The following NPSR1 variants were observed in gnomAD, a reference collection of about 807,000 sequenced individuals.
NPSR1 encodes neuropeptide S receptor 1, also known as neuropeptide S receptor.
NPSR1 carries 48 observed loss-of-function variants against 46.9 expected under a neutral mutation model. The ratio of observed to expected loss-of-function variants is 1.02; its 90% CI spans 0.81 to 1.30. NPSR1 has a LOEUF of 1.30. NPSR1 is among the 50% of genes most tolerant of loss of function. The pLI is 0.00. For synonymous variants in NPSR1, 176 were observed against 168.1 expected (o/e 1.05, Z -0.36); for missense variants, 450 against 449.5 (o/e 1.00, Z -0.01).
chr7:34,694,100 T>G (rs1254225397), intron 2 of NPSR1, among the ~76,000 whole-genome samples: 1 of 152,124 alleles, frequency 6.6e-6, no homozygotes, highest in Non-Finnish European at 1.5e-5. Flanking sequence ...ACAATGAGGA[T>G]GTCCACATTC....
intron 8 of NPSR1, among the ~76,000 whole-genome samples, chr7:34,876,281 C>T (rs1791571599): frequency 6.6e-6 from 1 of 152,222 alleles, no homozygotes; most frequent in African/African-American, 2.4e-5. Context: ...CCTTACCCCA[C>T]ATACTGGCTA....
intron 2 of NPSR1, chr7:34,750,248 T>A: frequency 1.5e-6 from 1 of 646,286 alleles, no homozygotes; most frequent in African/African-American, 1.8e-5. Flanking sequence ...CAAGATGACT[T>A]CTCAGGATCT....
At chr7:34,860,170 T>C (rs1250866650) in intron 8 of NPSR1, among the ~76,000 whole-genome samples, 1 of 151,622 alleles carries the variant, frequency 6.6e-6, no homozygotes, top group Admixed American at 6.6e-5. Context: ...AATATGGCCA[T>C]GTGTTGATGT....
Position 34,772,246 on chromosome 7 carries a change from G to A in NPSR1, c.281-6216G>A, listed in dbSNP as rs1786719126. On this transcript the variant is annotated intron_variant, in intron 2 of 8. Transcript: ENST00000360581. ...TCAGAAAGCAATTAACCAAATGACA[G>A]TGTGACTTTCCATTTTTACTATTGC... 2.6e-5 allele frequency among the ~76,000 whole-genome samples: 4 copies of A among 152,148 alleles called. No homozygotes were observed. In the South Asian group the frequency reaches 8.3e-4, roughly 32 times the overall value.
chr7:34,776,423 C>T (rs1786960537), intron 2 of NPSR1, among the ~76,000 whole-genome samples: 1 of 152,050 alleles, frequency 6.6e-6, no homozygotes, highest in African/African-American at 2.4e-5. Context: ...TATTCTCTTG[C>T]TGAATTGACC....
intron 6 of NPSR1, 78 bp downstream of exon 6, chr7:34,834,538 G>A (rs1790278654): frequency 1.0e-6 from 1 of 992,620 alleles, no homozygotes; most frequent in Non-Finnish European, 1.6e-6. Flanking sequence ...ATGTGAGCTA[G>A]GGACTCCTTG....
intron 4 of NPSR1, among the ~76,000 whole-genome samples, chr7:34,821,695 A>C (rs1789566571): frequency 1.3e-5 from 2 of 152,168 alleles, no homozygotes; most frequent in South Asian, 4.1e-4. Context: ...GCTCGTGGAA[A>C]ATATGTCTAG....
chr7:34,690,608 G>A (rs1356973657), intron 2 of NPSR1, among the ~76,000 whole-genome samples: 1 of 152,116 alleles, frequency 6.6e-6, no homozygotes, highest in African/African-American at 2.4e-5. Context: ...TTCAACAATA[G>A]GCTAGACCAA....
intron 7 of NPSR1, among the ~76,000 whole-genome samples, chr7:34,846,434 G>GTTTAAACAT (rs1378122548): frequency 3.3e-5 from 5 of 151,852 alleles, no homozygotes; most frequent in Non-Finnish European, 5.9e-5. Flanking sequence ...TACCTACCAT[G>GTTTAAACAT]ATCATTTAAA....
intron 2 of NPSR1, among the ~76,000 whole-genome samples, chr7:34,707,289 G>A (rs1794159916): frequency 6.6e-6 from 1 of 152,124 alleles, no homozygotes; most frequent in Non-Finnish European, 1.5e-5. Flanking sequence ...AAAGTTGAGG[G>A]GGATTCTTAC....
chr7:34,729,567 T>G (rs975108707), intron 2 of NPSR1, among the ~76,000 whole-genome samples: 1 of 152,104 alleles, frequency 6.6e-6, no homozygotes, highest in African/African-American at 2.4e-5. Flanking sequence ...GGAAATGATA[T>G]GATTAAGAAT....
chr7:34,738,142 AATC>A (rs1784768326), intron 2 of NPSR1, among the ~76,000 whole-genome samples: 2 of 152,236 alleles, frequency 1.3e-5, no homozygotes, highest in African/African-American at 4.8e-5. Flanking sequence ...GCCAAAATCA[AATC>A]AAAGCATCTT....
At chr7:34,746,855 G>A (rs919423546) in intron 2 of NPSR1, among the ~76,000 whole-genome samples, 4 of 152,110 alleles carry the variant, frequency 2.6e-5, no homozygotes, top group Non-Finnish European at 5.9e-5. Context: ...GGCTGGGTGC[G>A]GTGACTCTTG....
At chr7:34,823,794 G>A (rs1009303515) in intron 4 of NPSR1, among the ~76,000 whole-genome samples, 17 of 151,950 alleles carry the variant, frequency 1.1e-4, no homozygotes, top group African/African-American at 3.9e-4. Flanking sequence ...TATAACCACC[G>A]GAAAAAATGT....
chr7:34,664,430 A>G (rs1322909176), intron 1 of NPSR1, among the ~76,000 whole-genome samples: 3 of 152,156 alleles, frequency 2.0e-5, no homozygotes, highest in African/African-American at 2.4e-5. Context: ...GAGTCCCAGG[A>G]ATTCGTCATT....
chr7:34,866,027 A>G (rs10277849), intron 8 of NPSR1, among the ~76,000 whole-genome samples: 28,658 of 151,636 alleles, frequency 0.19, 3,117 homozygotes, highest in Non-Finnish European at 0.24. Flanking sequence ...AAAGGCTCCA[A>G]TCTTCATCAT....
At chr7:34,700,196 T>A (rs544915392) in intron 2 of NPSR1, among the ~76,000 whole-genome samples, 81 of 152,022 alleles carry the variant, frequency 5.3e-4, no homozygotes, top group African/African-American at 1.8e-3. Context: ...AAGGCGGATG[T>A]AACGAGAGCA....
intron 2 of NPSR1, among the ~76,000 whole-genome samples, chr7:34,748,136 G>A (rs890445379): frequency 6.6e-6 from 1 of 152,128 alleles, no homozygotes; most frequent in Non-Finnish European, 1.5e-5. Context: ...TTTCATATAG[G>A]CATCAGTTAG....
chr7:34,661,525 C>T (rs1287380434), intron 1 of NPSR1, among the ~76,000 whole-genome samples: 1 of 152,162 alleles, frequency 6.6e-6, no homozygotes, highest in Non-Finnish European at 1.5e-5. Context: ...GACAAAGCAC[C>T]CCGTCTAGAT....
Sources: allele counts gnomAD v4.1 joint callset (sites outside exome capture counted in the v4.1 genomes callset), GRCh38; gene constraint gnomAD v4.1.1; transcripts MANE v1.5; gene names NCBI Gene and HGNC (gene_info 2026-07-23, HGNC 2026-07-21).